SCN8A: variants seen among roughly 807,000 people sequenced by gnomAD.
The protein encoded by SCN8A is sodium channel protein type 8 subunit alpha.
A neutral mutation model predicts 184.1 loss-of-function variants in SCN8A; 30 were observed. That is an observed-to-expected ratio of 0.16 (90% CI 0.12 to 0.22). SCN8A has a LOEUF of 0.22. SCN8A is among the 10% of genes least tolerant of loss of function. The probability of loss-of-function intolerance (pLI) is 1.00; values close to 1 mark genes in which losing one functional copy is unlikely to be tolerated. For synonymous variants in SCN8A, 852 were observed against 907.0 expected (o/e 0.94, Z 1.09); for missense variants, 1,057 against 2,498.9 (o/e 0.42, Z 12.30).
At chr12:51,670,948 G>A (rs1389843401) in intron 2 of SCN8A, among the ~76,000 whole-genome samples, 1 of 152,080 alleles carries the variant, frequency 6.6e-6, no homozygotes, top group African/African-American at 2.4e-5. Flanking sequence ...TTTTTTGTTA[G>A]GGAAACACAT....
intron 24 of SCN8A, among the ~76,000 whole-genome samples, chr12:51,789,695 T>C (rs1450566474): frequency 6.6e-6 from 1 of 152,082 alleles, no homozygotes; most frequent in Non-Finnish European, 1.5e-5. Context: ...GGTCAGAGAG[T>C]GCAGTCGAGC....
intron 1 of SCN8A, among the ~76,000 whole-genome samples, chr12:51,601,830 G>C (rs1160880444): frequency 7.0e-6 from 1 of 142,378 alleles, no homozygotes; most frequent in African/African-American, 2.6e-5. Context: ...CCCTACCTTT[G>C]CCAAGGGTGG....
Position 51,662,849 on chromosome 12 carries a change from C to T in SCN8A, c.32C>T (p.Pro11Leu), listed in dbSNP as rs745556675. 1.2e-6 allele frequency: 2 copies of T among 1,614,012 alleles called. No individual in the cohort carries two copies. The highest frequency in any genetic ancestry group is 1.7e-6 in the Non-Finnish European group (2 of 1,179,900). MAARLLAPPG[P>L]DSFKPFTPES... ...GCGCGGCTGCTTGCACCACCAGGCC[C>T]TGATAGTTTCAAGCCTTTCACCCCT... Residue 11 changes from proline to leucine, a missense_variant, in exon 2 of 27, where the codon CCT becomes CTT. By Grantham distance (98) the Pro-to-Leu change is moderately conservative (BLOSUM62 -3). Coordinates refer to ENST00000627620, the MANE Select transcript of SCN8A (RefSeq NM_001330260.2).
chr12:51,774,443 C>A, intron 20 of SCN8A, 81 bp downstream of exon 20: 1 of 1,342,514 alleles, frequency 7.4e-7, no homozygotes, highest in Non-Finnish European at 1.0e-6. Flanking sequence ...ATGGCAGTAG[C>A]TGCCCTGGGC....
chr12:51,788,951 G>A (rs376691981), intron 23 of SCN8A, among the ~76,000 whole-genome samples: 2 of 152,094 alleles, frequency 1.3e-5, no homozygotes, highest in African/African-American at 4.8e-5. Context: ...ATTGGCCCCC[G>A]ATGATTAGAC....
At chr12:51,722,068 A>G in intron 12 of SCN8A, 160 bp downstream of exon 12, 3 of 1,116,814 alleles carry the variant, frequency 2.7e-6, no homozygotes, top group South Asian at 2.9e-5. Flanking sequence ...CACCCCAGCC[A>G]TTTCTGTGTT....
At chr12:51,674,348 TGAGA>T (rs961216744) in intron 2 of SCN8A, among the ~76,000 whole-genome samples, 1 of 151,952 alleles carries the variant, frequency 6.6e-6, no homozygotes, top group Non-Finnish European at 1.5e-5. Flanking sequence ...CTTTTTTTTT[TGAGA>T]GAGAGAGTCT....
At chr12:51,716,916 C>A (rs1357860794) in intron 11 of SCN8A, among the ~76,000 whole-genome samples, 2 of 152,202 alleles carry the variant, frequency 1.3e-5, no homozygotes, top group Non-Finnish European at 2.9e-5. Flanking sequence ...TATTTCCCTT[C>A]CCTAAATCAC....
intron 14 of SCN8A, among the ~76,000 whole-genome samples, chr12:51,759,558 C>G (rs1051760465): frequency 3.9e-5 from 6 of 152,166 alleles, no homozygotes; most frequent in Non-Finnish European, 8.8e-5. Context: ...TATTTTTGGA[C>G]TGTAGTTGAT....
At chr12:51,673,820 G>A (rs1043677688) in intron 2 of SCN8A, among the ~76,000 whole-genome samples, 10 of 152,174 alleles carry the variant, frequency 6.6e-5, no homozygotes, top group African/African-American at 2.4e-4. Flanking sequence ...TGTGTTAACT[G>A]CTCTAATAGA....
At chr12:51,688,311 A>G (rs1196225802) in intron 5 of SCN8A, among the ~76,000 whole-genome samples, 1 of 152,242 alleles carries the variant, frequency 6.6e-6, no homozygotes, top group African/African-American at 2.4e-5. Context: ...TAAGTCATAT[A>G]TACAGACATT....
chr12:51,745,962 C>G lies in SCN8A; in HGVS notation c.2058C>G (p.Asp686Glu), dbSNP rs1208300274. Residue 686 changes from aspartate to glutamate, a missense_variant, in exon 13 of 27, where the codon GAC becomes GAG. Physicochemically the swap from Asp to Glu is conservative, Grantham distance 45. Around this residue, in one of 19 missense-constraint regions of SCN8A, gnomAD observed 322 missense variants for 390.1 expected, o/e 0.83. Coordinates refer to ENST00000627620, the MANE Select transcript of SCN8A (RefSeq NM_001330260.2). Reference protein sequence around the residue: ...KGPGSLLVSMDQLASYGRKDR... With the variant: ...KGPGSLLVSMEQLASYGRKDR... ...CTGGATCTCTTTTAGTTTCCATGGA[C>G]CAATTAGCCTCCTACGGGCGGAAGG... 1 of 1,610,882 alleles carries G rather than the reference C, an allele frequency of 6.2e-7. No individual in the cohort carries two copies. Among genetic ancestry groups the G allele is most frequent in the African/African-American group, 1.3e-5 (1 of 74,620 alleles).
At chr12:51,619,472 C>T (rs1268519729) in intron 1 of SCN8A, among the ~76,000 whole-genome samples, 1 of 152,160 alleles carries the variant, frequency 6.6e-6, no homozygotes, top group African/African-American at 2.4e-5. Flanking sequence ...CCATTTAAAA[C>T]TGTTAATAGC....
intron 2 of SCN8A, among the ~76,000 whole-genome samples, chr12:51,667,105 A>G (rs1334146921): frequency 6.6e-6 from 1 of 152,194 alleles, no homozygotes. Flanking sequence ...AAAATAGGTA[A>G]TATATTTAAG....
chr12:51,626,935 A>G (rs1940092086), intron 1 of SCN8A, among the ~76,000 whole-genome samples: 1 of 152,000 alleles, frequency 6.6e-6, no homozygotes, highest in African/African-American at 2.4e-5. Context: ...AAAGCATGTG[A>G]TTGACAGATT....
At chr12:51,795,891 A>G (rs1033481052) in intron 26 of SCN8A, among the ~76,000 whole-genome samples, 1 of 151,830 alleles carries the variant, frequency 6.6e-6, no homozygotes, top group Non-Finnish European at 1.5e-5. Flanking sequence ...AAAAAAAAAA[A>G]AAAAAATGAG....
chr12:51,701,756 A>G (rs1941693647), intron 8 of SCN8A, among the ~76,000 whole-genome samples: 1 of 152,188 alleles, frequency 6.6e-6, no homozygotes. Flanking sequence ...GTAAGGATCC[A>G]CTTACATTAC....
intron 1 of SCN8A, among the ~76,000 whole-genome samples, chr12:51,617,301 AT>A (rs1939861605): frequency 6.6e-6 from 1 of 151,256 alleles, no homozygotes; most frequent in Admixed American, 6.6e-5. Flanking sequence ...TTCGTTTCTA[AT>A]TTTTTTCTCT....
intron 6 of SCN8A, among the ~76,000 whole-genome samples, chr12:51,697,608 A>G (rs1055504022): frequency 6.6e-6 from 1 of 152,176 alleles, no homozygotes; most frequent in African/African-American, 2.4e-5. Flanking sequence ...TGTCCCTTTG[A>G]GGAGGGTACC....
Sources: allele counts gnomAD v4.1 joint callset (sites outside exome capture counted in the v4.1 genomes callset), GRCh38; gene constraint gnomAD v4.1.1; regional missense constraint gnomAD v4.1.1; transcripts MANE v1.5; gene names NCBI Gene and HGNC (gene_info 2026-07-23, HGNC 2026-07-21).